The following TUBB6 variants were observed in gnomAD, a reference collection of about 807,000 sequenced individuals.
TUBB6 encodes tubulin beta 6 class V, also known as tubulin beta-6 chain.
Under a neutral mutation model 32.3 loss-of-function variants are expected in TUBB6, and 18 were observed. That is an observed-to-expected ratio of 0.56 (90% CI 0.39 to 0.83). TUBB6 has a LOEUF of 0.83. Ranked by LOEUF, TUBB6 falls within the 40% of genes least tolerant of loss-of-function variation. The pLI is 0.00. For missense variants in TUBB6, 480 were observed against 632.0 expected (o/e 0.76, Z 2.58); for synonymous variants, 280 against 265.8 (o/e 1.05, Z -0.52).
Position 12,326,453 on chromosome 18 carries a change from C to G in TUBB6, c.*323C>G, listed in dbSNP as rs924467944. ...CTGCAAATTAGGAGGGAGTTAGAAA[C>G]AGTCTTTTTCATCCTTTGTGATGAA... On this transcript the variant is annotated 3_prime_UTR_variant, in exon 4 of 4. Coordinates refer to ENST00000317702, the MANE Select transcript of TUBB6 (RefSeq NM_032525.3). 9.6e-6 allele frequency: 3 copies of G among 313,712 alleles called. No homozygotes were observed. Among genetic ancestry groups the G allele is most frequent in the Non-Finnish European group, 1.2e-5 (2 of 170,370 alleles). The allele number at this position is 313,712 out of a possible 1,614,324, so 19.4% of individuals were successfully genotyped here.
At chr18:12,311,228 A>T (rs1008468923) in intron 3 of TUBB6, 175 bp downstream of exon 3, 22 of 522,656 alleles carry the variant, frequency 4.2e-5, no homozygotes, top group Admixed American at 6.9e-5. Context: ...AGTTTTTTTT[A>T]AATCTTGACT....
At chr18:12,316,137 GC>G (rs140929073) in intron 3 of TUBB6, among the ~76,000 whole-genome samples, 60 of 152,374 alleles carry the variant, frequency 3.9e-4, no homozygotes, top group African/African-American at 1.4e-3. Flanking sequence ...ACGCAGTGCA[GC>G]CAGGACCTGG....
chr18:12,321,278 CAG>C (rs1906973862), intron 3 of TUBB6, among the ~76,000 whole-genome samples: 1 of 152,154 alleles, frequency 6.6e-6, no homozygotes, highest in Non-Finnish European at 1.5e-5. Context: ...TGAAGAATCA[CAG>C]AATTTGTTTT....
chr18:12,314,526 C>T (rs754342062), intron 3 of TUBB6, among the ~76,000 whole-genome samples: 2 of 152,024 alleles, frequency 1.3e-5, no homozygotes, highest in African/African-American at 4.8e-5. Flanking sequence ...GCACATGGTG[C>T]GTAGCTGGAA....
At chr18:12,312,945 A>C (rs552354086) in intron 3 of TUBB6, among the ~76,000 whole-genome samples, 2 of 148,922 alleles carry the variant, frequency 1.3e-5, no homozygotes, top group South Asian at 4.3e-4. Flanking sequence ...GTTGGGGTGA[A>C]CCAAGATCGC....
chr18:12,325,134 A>G lies in TUBB6; in HGVS notation c.345A>G (p.Ala115=), dbSNP rs776770434. 1.2e-6 allele frequency: 2 copies of G among 1,609,298 alleles called. No homozygotes were observed. Among genetic ancestry groups the G allele is most frequent in the African/African-American group, 1.3e-5 (1 of 75,018 alleles). ...HYTEGAELVD[A]VLDVVRKECE... ...CGGAGGGCGCGGAGCTGGTGGACGC[A>G]GTGCTGGACGTGGTGCGGAAGGAGT... The change falls in exon 4 of 4, where the codon GCA becomes GCG. Residue 115 remains alanine (A), a synonymous_variant. Transcript: ENST00000317702.
Position 12,326,038 on chromosome 18 carries a change from G to T in TUBB6, c.1249G>T (p.Asp417Tyr). 1 of 1,614,166 alleles carries T rather than the reference G, an allele frequency of 6.2e-7. No individual in the cohort carries two copies. The highest frequency in any genetic ancestry group is 2.2e-5 in the East Asian group (1 of 44,878). Residue 417 changes from aspartate (D) to tyrosine (Y), a missense_variant, in exon 4 of 4, where the codon GAC becomes TAC. Physicochemically the swap from Asp to Tyr is radical, Grantham distance 160. Transcript: ENST00000317702. ...CACCGAGGCGGAGAGCAACATGAACGACCTGGTATCCGAGTACCAGCAGTA... is the reference window on the plus strand; with the variant it reads ...CACCGAGGCGGAGAGCAACATGAACTACCTGGTATCCGAGTACCAGCAGTA... ...EFTEAESNMN[D>Y]LVSEYQQYQD...
chr18:12,319,053 GC>G (rs1377208763), intron 3 of TUBB6, among the ~76,000 whole-genome samples: 1 of 152,098 alleles, frequency 6.6e-6, no homozygotes, highest in Non-Finnish European at 1.5e-5. Flanking sequence ...TCTACTGGTG[GC>G]CCCTGAGGTT....
In TUBB6 at chr18:12,308,809, C is replaced by T. The variant is rs746116608; in HGVS notation, c.166+14C>T. 6.5e-7 allele frequency: 1 copy of T among 1,531,066 alleles called. No individual in the cohort carries two copies. The highest frequency in any genetic ancestry group is 1.1e-5 in the South Asian group (1 of 89,458). The allele number at this position is 1,531,066 out of a possible 1,614,324, so 94.8% of individuals were successfully genotyped here. On this transcript the variant is annotated intron_variant, in intron 2 of 3. Coordinates refer to ENST00000317702, the MANE Select transcript of TUBB6 (RefSeq NM_032525.3). Reference sequence around the variant, plus strand: ...ATGAGTCATCGTGTGAGTAGCAAGGCCGCCGCGCCCTGCCCGGCCGGGACC... The same window carrying T: ...ATGAGTCATCGTGTGAGTAGCAAGGTCGCCGCGCCCTGCCCGGCCGGGACC...
intron 3 of TUBB6, among the ~76,000 whole-genome samples, chr18:12,312,912 T>C (rs902285004): frequency 6.8e-6 from 1 of 146,324 alleles, no homozygotes; most frequent in East Asian, 2.0e-4. Flanking sequence ...GGCAGGAGAA[T>C]CACTTGAACC....
intron 3 of TUBB6, among the ~76,000 whole-genome samples, chr18:12,314,368 G>C (rs1295312973): frequency 6.6e-6 from 1 of 152,020 alleles, no homozygotes; most frequent in Non-Finnish European, 1.5e-5. Context: ...GTGAGAATCT[G>C]AGCGAGCGGA....
At chr18:12,312,913 C>CT (rs1906464223) in intron 3 of TUBB6, among the ~76,000 whole-genome samples, 2 of 146,108 alleles carry the variant, frequency 1.4e-5, no homozygotes, top group Non-Finnish European at 3.0e-5. Flanking sequence ...GCAGGAGAAT[C>CT]ACTTGAACCC....
chr18:12,308,300 A>G lies in TUBB6; in HGVS notation c.8A>G (p.Glu3Gly). 6.8e-7 allele frequency: 1 copy of G among 1,478,040 alleles called. No homozygotes were observed. The highest frequency in any genetic ancestry group is 9.0e-7 in the Non-Finnish European group (1 of 1,109,674). The allele number at this position is 1,478,040 out of a possible 1,614,324, so 91.6% of individuals were successfully genotyped here. Residue 3 changes from glutamate (E) to glycine (G), a missense_variant, in exon 1 of 4, where the codon GAG (glutamate) becomes GGG (glycine). By Grantham distance (98) the Glu-to-Gly change is moderately conservative (BLOSUM62 -2). Transcript: ENST00000317702. ...CGCAGAGCCGCGCCCGCCATGAGGG[A>G]GATCGTGCACATCCAGGCGGGCCAG... Reference protein sequence around the residue: MREIVHIQAGQCG... With the variant: MRGIVHIQAGQCG...
chr18:12,324,318 C>G (rs975256286), intron 3 of TUBB6, among the ~76,000 whole-genome samples: 4 of 151,818 alleles, frequency 2.6e-5, no homozygotes, highest in Non-Finnish European at 5.9e-5. Context: ...TGCAATGAGC[C>G]GAGATTGCGC....
intron 3 of TUBB6, chr18:12,324,739 C>T (rs1907178580): frequency 1.6e-6 from 2 of 1,250,986 alleles, no homozygotes; most frequent in East Asian, 3.0e-5. Flanking sequence ...GCATGAGCCA[C>T]GGCGCCCGGC....
downstream of TUBB6, among the ~76,000 whole-genome samples, chr18:12,328,475 A>G (rs530908795): frequency 1.5e-3 from 232 of 152,234 alleles, no homozygotes; most frequent in Non-Finnish European, 2.5e-3. Flanking sequence ...CACATAACCA[A>G]TAACTCCCTT....
chr18:12,324,348 C>CGACA (rs964482558), intron 3 of TUBB6, among the ~76,000 whole-genome samples: 3 of 151,126 alleles, frequency 2.0e-5, no homozygotes, highest in African/African-American at 7.3e-5. Flanking sequence ...CCAGCCTGGG[C>CGACA]GACAGAGTGA....
chr18:12,311,113 A>T, intron 3 of TUBB6, 60 bp downstream of exon 3: 1 of 1,372,282 alleles, frequency 7.3e-7, no homozygotes, highest in Non-Finnish European at 1.0e-6. Context: ...CAAATATTTT[A>T]TATGCCAGAT....
At chr18:12,320,992 C>T (rs762845207) in intron 3 of TUBB6, among the ~76,000 whole-genome samples, 1 of 152,162 alleles carries the variant, frequency 6.6e-6, no homozygotes, top group Non-Finnish European at 1.5e-5. Flanking sequence ...GTGTTTGGAT[C>T]TCTGTCAGTT....
Sources: allele counts gnomAD v4.1 joint callset (sites outside exome capture counted in the v4.1 genomes callset), GRCh38; gene constraint gnomAD v4.1.1; transcripts MANE v1.5; gene names NCBI Gene and HGNC (gene_info 2026-07-23, HGNC 2026-07-21).